Variants in SPOCK1 observed in about 807,000 individuals in gnomAD.
SPOCK1 encodes the protein SPARC (osteonectin), cwcv and kazal like domains proteoglycan 1, also known as testican-1.
In SPOCK1, 23 loss-of-function variants were observed where a neutral mutation model predicts 55.3. The ratio of observed to expected loss-of-function variants is 0.42; its 90% CI spans 0.30 to 0.59. The LOEUF (loss-of-function observed/expected upper bound fraction) is 0.59. SPOCK1 is among the 20% of genes least tolerant of loss of function. The pLI is 0.22. For missense variants in SPOCK1, 499 were observed against 552.5 expected (o/e 0.90, Z 0.97); for synonymous variants, 226 against 221.0 (o/e 1.02, Z -0.20).
chr5:137,498,373 G>T lies in SPOCK1; in HGVS notation c.186C>A (p.Asp62Glu), dbSNP rs1195553752. 1.3e-6 allele frequency: 2 copies of T among 1,594,762 alleles called. No individual in the cohort carries two copies. Among genetic ancestry groups the T allele is most frequent in the South Asian group, 1.1e-5 (1 of 88,710 alleles). The change falls in exon 2 of 11, where the codon GAC becomes GAA. Residue 62 changes from aspartate to glutamate, a missense_variant and splice_region_variant. Physicochemically the swap from Asp to Glu is conservative, Grantham distance 45 (BLOSUM62 2). Around this residue, in one of 3 missense-constraint regions of SPOCK1, gnomAD observed 386 missense variants for 400.6 expected, o/e 0.96. Transcript: ENST00000394945. ...AGGGCCGGGTGGCGCCGGTACTCAC[G>T]TCTCGAAAGCGGTTCCAGTACTTGT... ...DRDKYWNRFR[D>E]DDYFRNWNPN...
At chr5:137,192,356 A>C (rs1488507270) in intron 3 of SPOCK1, among the ~76,000 whole-genome samples, 1 of 152,110 alleles carries the variant, frequency 6.6e-6, no homozygotes, top group Non-Finnish European at 1.5e-5. Context: ...CACACACATG[A>C]AAGCCTGGCA....
intron 3 of SPOCK1, among the ~76,000 whole-genome samples, chr5:137,151,385 C>T (rs11242368): frequency 2.6e-3 from 398 of 152,264 alleles, no homozygotes; most frequent in Middle Eastern, 0.017. Context: ...CAAGAACGTA[C>T]GTCTCACAGT....
intron 2 of SPOCK1, among the ~76,000 whole-genome samples, chr5:137,395,317 A>G (rs999092100): frequency 6.6e-6 from 1 of 152,254 alleles, no homozygotes; most frequent in Admixed American, 6.5e-5. Context: ...TTTCTTTAAA[A>G]TGATTTATCA....
chr5:137,174,702 A>C (rs896608323), intron 3 of SPOCK1, among the ~76,000 whole-genome samples: 3 of 152,244 alleles, frequency 2.0e-5, no homozygotes, highest in African/African-American at 7.2e-5. Flanking sequence ...TTTTGTTCCA[A>C]AGCCAGTTCA....
chr5:137,140,441 G>A (rs1754072374), intron 4 of SPOCK1, 139 bp downstream of exon 4: 1 of 599,850 alleles, frequency 1.7e-6, no homozygotes, highest in Admixed American at 3.1e-5. Context: ...TCAGAGTACA[G>A]GCACCAAACA....
chr5:137,254,189 C>T (rs2127108230), intron 3 of SPOCK1, among the ~76,000 whole-genome samples: 1 of 152,250 alleles, frequency 6.6e-6, no homozygotes, highest in East Asian at 1.9e-4. Context: ...ATATTTTTCC[C>T]AAGGGTATAT....
At chr5:137,226,215 T>C (rs1009110738) in intron 3 of SPOCK1, among the ~76,000 whole-genome samples, 4 of 152,244 alleles carry the variant, frequency 2.6e-5, no homozygotes, top group African/African-American at 7.2e-5. Flanking sequence ...AATTCATTCC[T>C]GGAGTTGGGA....
chr5:137,105,016 C>T (rs895686359), intron 5 of SPOCK1, among the ~76,000 whole-genome samples: 15 of 152,252 alleles, frequency 9.9e-5, no homozygotes, highest in Middle Eastern at 3.4e-3. Context: ...CTGTTGGTGT[C>T]CACTGTGGTC....
intron 6 of SPOCK1, among the ~76,000 whole-genome samples, chr5:137,058,455 A>T (rs967887205): frequency 1.3e-5 from 2 of 152,246 alleles, no homozygotes; most frequent in Non-Finnish European, 2.9e-5. Context: ...GCCATAAATC[A>T]TCTGTTTACT....
At chr5:136,982,187 C>T (rs1421455345) in intron 9 of SPOCK1, among the ~76,000 whole-genome samples, 1 of 152,102 alleles carries the variant, frequency 6.6e-6, no homozygotes, top group Non-Finnish European at 1.5e-5. Context: ...TTAAGCAAGG[C>T]ATGTCTATAG....
intron 5 of SPOCK1, among the ~76,000 whole-genome samples, chr5:137,099,509 C>T (rs779173539): frequency 6.6e-6 from 1 of 151,866 alleles, no homozygotes; most frequent in Non-Finnish European, 1.5e-5. Context: ...AACCAGAGTC[C>T]AAGCTGAAAC....
At chr5:137,385,339 C>T (rs1359667692) in intron 2 of SPOCK1, among the ~76,000 whole-genome samples, 3 of 152,144 alleles carry the variant, frequency 2.0e-5, no homozygotes, top group Non-Finnish European at 4.4e-5. Flanking sequence ...TGGAAACTGG[C>T]TCTTCTGCAT....
intron 2 of SPOCK1, 23 bp downstream of exon 2, chr5:137,498,350 G>A: frequency 6.4e-7 from 1 of 1,556,574 alleles, no homozygotes; most frequent in South Asian, 1.2e-5. Flanking sequence ...CGCCCCCCAG[G>A]GCCGGGTGGC....
chr5:137,147,670 C>T (rs1029708381), intron 3 of SPOCK1, among the ~76,000 whole-genome samples: 1 of 152,128 alleles, frequency 6.6e-6, no homozygotes, highest in African/African-American at 2.4e-5. Context: ...CCTCTTTTAA[C>T]CTTAATTACT....
intron 2 of SPOCK1, among the ~76,000 whole-genome samples, chr5:137,461,870 T>C (rs1753496664): frequency 6.6e-6 from 1 of 152,202 alleles, no homozygotes; most frequent in Admixed American, 6.5e-5. Context: ...TAGCATTTGA[T>C]TACTCACAAA....
Position 136,992,602 on chromosome 5 carries a change from T to C in SPOCK1, c.590-2A>G. On this transcript the variant is annotated splice_acceptor_variant, in intron 6 of 10. Coordinates refer to ENST00000394945, the MANE Select transcript of SPOCK1 (RefSeq NM_004598.4). LOFTEE classifies it high-confidence loss of function. ...TCCGCAACTCCTTGTCTGTGCAGGC[T>C]AGAGAAAAGCAAACAGAACAGACAA... The C allele has an allele frequency of 6.2e-7, 1 of 1,610,578 alleles. No individual in the cohort carries two copies. The highest frequency in any genetic ancestry group is 8.5e-7 in the Non-Finnish European group (1 of 1,178,462).
At chr5:137,229,014 T>C (rs1756000834) in intron 3 of SPOCK1, among the ~76,000 whole-genome samples, 1 of 152,182 alleles carries the variant, frequency 6.6e-6, no homozygotes. Context: ...GGGAGCAACC[T>C]GGGCTGCCCA....
intron 2 of SPOCK1, among the ~76,000 whole-genome samples, chr5:137,274,797 A>G (rs979591199): frequency 6.6e-6 from 1 of 152,226 alleles, no homozygotes; most frequent in African/African-American, 2.4e-5. Flanking sequence ...AATCAATGAA[A>G]TTTGAAAACT....
chr5:137,341,525 T>C (rs756199538), intron 2 of SPOCK1, among the ~76,000 whole-genome samples: 1 of 152,268 alleles, frequency 6.6e-6, no homozygotes, highest in Non-Finnish European at 1.5e-5. Flanking sequence ...CTTTTGAGAT[T>C]GTGCCTACTA....
Sources: gnomAD v4.1 joint callset for allele counts (sites outside exome capture counted in the v4.1 genomes callset) on GRCh38, gnomAD v4.1.1 for gene constraint, gnomAD v4.1.1 regional missense constraint, MANE v1.5 for transcripts, NCBI Gene and HGNC (gene_info 2026-07-23, HGNC 2026-07-21) for gene names.